The following NUP205 variants were observed in gnomAD, a reference collection of about 807,000 sequenced individuals.
NUP205 encodes nucleoporin 205, also known as nuclear pore complex protein Nup205.
A neutral mutation model predicts 253.8 loss-of-function variants in NUP205; 76 were observed. The ratio of observed to expected loss-of-function variants is 0.30; its 90% CI spans 0.25 to 0.36. The LOEUF is 0.36. Among genes scored for constraint, NUP205 ranks in the 10% least tolerant of loss-of-function variants. NUP205 has a pLI of 1.00. For synonymous variants in NUP205, 832 were observed against 850.1 expected, an observed-to-expected ratio of 0.98 and a Z score of 0.37; for missense variants, 2,162 against 2,425.5, an observed-to-expected ratio of 0.89 and a Z score of 2.28.
intron 1 of NUP205, among the ~76,000 whole-genome samples, chr7:135,560,247 C>T (rs1033636097): frequency 1.3e-5 from 2 of 152,144 alleles, no homozygotes; most frequent in Admixed American, 6.6e-5. Context: ...CCGCCTACCT[C>T]GGCATCCCAA....
chr7:135,615,727 AT>A (rs1330567068), intron 23 of NUP205, among the ~76,000 whole-genome samples, 188 bp from the exon 24 acceptor site: 1 of 151,720 alleles, frequency 6.6e-6, no homozygotes, highest in Non-Finnish European at 1.5e-5. Context: ...ATACTAGCTT[AT>A]TTTTTTCTTT....
intron 14 of NUP205, 172 bp downstream of exon 14, chr7:135,597,590 A>T (rs1793873331): frequency 4.1e-6 from 2 of 483,192 alleles, no homozygotes. Context: ...AATAAAAGGA[A>T]CCAAAATATT....
At chr7:135,606,993 C>T (rs183055921) in intron 21 of NUP205, 78 bp downstream of exon 21, 2,101 of 1,401,926 alleles carry the variant, frequency 1.5e-3, no homozygotes, top group Non-Finnish European at 1.9e-3. Context: ...ATTCTGGGCT[C>T]ATGGGATAAT....
In NUP205 at chr7:135,578,813, C is replaced by G; in HGVS notation, c.940C>G (p.Leu314Val). ...GTACATTGCAACAATTCACTCTCGT[C>G]TTCAGGACTCACAGCTTTGGAAACT... ...KQYIATIHSR[L>V]QDSQLWKLPG... Residue 314 changes from leucine to valine, a missense_variant, in exon 7 of 43, where the codon CTT becomes GTT. Leu to Val is a conservative substitution (Grantham distance 32, BLOSUM62 1). Transcript: ENST00000285968. 2.5e-6 allele frequency: 4 copies of G among 1,612,172 alleles called. No individual in the cohort carries two copies. The East Asian group carries it at 6.7e-5, about 27-fold the overall frequency.
At chr7:135,558,246 C>A in intron 1 of NUP205, 1 of 490,108 alleles carries the variant, frequency 2.0e-6, no homozygotes. Flanking sequence ...AGGGCTGAGT[C>A]TGGTCCCCCT....
chr7:135,622,284 A>C (rs1794487879), intron 30 of NUP205, among the ~76,000 whole-genome samples: 1 of 151,584 alleles, frequency 6.6e-6, no homozygotes, highest in Non-Finnish European at 1.5e-5. Flanking sequence ...TTAGCTGGGC[A>C]TGGTGGCATG....
rs147708091 is a variant in NUP205, at chr7:135,616,141, T to G, written c.3460+76T>G. On this transcript the variant is annotated intron_variant, in intron 24 of 42. Transcript: ENST00000285968. The stretch of plus-strand genomic sequence containing the variant: ...CAAGCACAAATCTGAAGCTTGTGCT[T>G]AGTATGTGACTATAGACCAAAACTA... 10,159 of 1,414,944 alleles carry G rather than the reference T, an allele frequency of 7.2e-3. 44 individuals are homozygous for G. The highest frequency in any genetic ancestry group is 8.7e-3 in the Non-Finnish European group (8,969 of 1,031,764). 87.6% of individuals were successfully genotyped at this position (1,414,944 alleles called of 1,614,324 possible).
rs540138607 is a variant in NUP205 at position 135,563,555 on chromosome 7, T to C, written c.28+5583T>C. On this transcript the variant is annotated intron_variant, in intron 1 of 42. Coordinates refer to ENST00000285968, the MANE Select transcript of NUP205 (RefSeq NM_015135.3). ...ACTGCAGTATAATCTTACCAATACC[T>C]CACACATGGTGAATGAGTGAGTAAA... Among the ~76,000 whole-genome samples, 37 of 152,254 alleles carry C rather than the reference T, an allele frequency of 2.4e-4. 1 individual carries two copies. Among genetic ancestry groups the C allele is most frequent in the African/African-American group, 7.9e-4 (33 of 41,522 alleles).
At chr7:135,560,025 A>G (rs947950564) in intron 1 of NUP205, among the ~76,000 whole-genome samples, 4 of 151,964 alleles carry the variant, frequency 2.6e-5, no homozygotes, top group Non-Finnish European at 5.9e-5. Flanking sequence ...CACCCAGCTA[A>G]TTTTTTGTAT....
intron 31 of NUP205, 123 bp from the exon 32 acceptor site, chr7:135,625,041 A>G: frequency 1.2e-6 from 1 of 820,238 alleles, no homozygotes; most frequent in Non-Finnish European, 1.9e-6. Context: ...TTTTGTTGCA[A>G]GTAACATTCT....
At chr7:135,634,885 G>A (rs1309654088) in intron 35 of NUP205, among the ~76,000 whole-genome samples, 5 of 152,182 alleles carry the variant, frequency 3.3e-5, no homozygotes, top group Admixed American at 6.5e-5. Context: ...GTGCTATGGA[G>A]TCTATGCTTG....
intron 17 of NUP205, 101 bp downstream of exon 17, chr7:135,601,608 C>A: frequency 2.4e-6 from 3 of 1,246,956 alleles, no homozygotes; most frequent in South Asian, 1.5e-5. Flanking sequence ...TCATTTTTCA[C>A]TGTAAGATTC....
chr7:135,630,364 A>T lies in NUP205; in HGVS notation c.4953A>T (p.Ser1651=). Residue 1651 remains serine, a synonymous_variant, in exon 35 of 43, where the codon TCA becomes TCT. Coordinates refer to ENST00000285968, the MANE Select transcript of NUP205 (RefSeq NM_015135.3). ...AAGQVLQFLI[S]HSDTIQAILR... ...CTTAGGTATTGCAGTTTCTTATTTC[A>T]CATTCTGATACCATACAAGCAATTC... 1 of 1,591,732 alleles carries T rather than the reference A, an allele frequency of 6.3e-7. No individual in the cohort carries two copies. Among genetic ancestry groups the T allele is most frequent in the Non-Finnish European group, 8.5e-7 (1 of 1,170,874 alleles).
intron 1 of NUP205, among the ~76,000 whole-genome samples, chr7:135,566,679 C>G (rs558568044): frequency 6.6e-6 from 1 of 152,206 alleles, no homozygotes; most frequent in South Asian, 2.1e-4. Context: ...ACTCTCATAG[C>G]CCGTTGTACT....
intron 19 of NUP205, among the ~76,000 whole-genome samples, chr7:135,605,054 A>AT (rs34723641): frequency 3.3e-4 from 50 of 149,608 alleles, no homozygotes; most frequent in Non-Finnish European, 6.2e-4. Context: ...TAGTTGAAGA[A>AT]TTTTTTTTTT....
In NUP205 at chr7:135,637,969, T is replaced by C; in HGVS notation, c.5175T>C (p.Ser1725=). The change falls in exon 37 of 43, where the codon TCT becomes TCC. Residue 1725 remains serine (S), a synonymous_variant. Transcript: ENST00000285968. ...CLGLLSRFGG[S]DRLRQFKFQD... ...GACTACTAAGTCGCTTTGGTGGCTCTGACAGACTGCGTCAGTTTAAATTTC... is the reference window on the plus strand; with the variant it reads ...GACTACTAAGTCGCTTTGGTGGCTCCGACAGACTGCGTCAGTTTAAATTTC... The C allele has an allele frequency of 1.2e-6, 2 of 1,614,064 alleles. No homozygotes were observed. Among genetic ancestry groups the C allele is most frequent in the Non-Finnish European group, 1.7e-6 (2 of 1,179,932 alleles).
chr7:135,559,667 G>A (rs922392275), intron 1 of NUP205, among the ~76,000 whole-genome samples: 4 of 150,126 alleles, frequency 2.7e-5, no homozygotes, highest in African/African-American at 9.8e-5. Flanking sequence ...CAGTACGCAA[G>A]GTATACACAT....
chr7:135,622,704 C>T (rs1406926018), intron 30 of NUP205, 73 bp from the exon 31 acceptor site: 1 of 1,337,912 alleles, frequency 7.5e-7, no homozygotes, highest in Non-Finnish European at 1.0e-6. Flanking sequence ...TCATACCTAG[C>T]ATGTGAGGTA....
chr7:135,563,446 T>C (rs528247331), intron 1 of NUP205, among the ~76,000 whole-genome samples: 21 of 152,116 alleles, frequency 1.4e-4, no homozygotes, highest in East Asian at 1.4e-3. Context: ...CCTTGGCCTC[T>C]CAAAGTGGTG....
Sources: gnomAD v4.1 joint callset for allele counts (sites outside exome capture counted in the v4.1 genomes callset) on GRCh38, gnomAD v4.1.1 for gene constraint, MANE v1.5 for transcripts, NCBI Gene and HGNC (gene_info 2026-07-23, HGNC 2026-07-21) for gene names.